The following VAT1L variants were observed in gnomAD, a reference collection of about 807,000 sequenced individuals.
VAT1L encodes vesicle amine transport 1 like.
In VAT1L, 34 loss-of-function variants were observed where a neutral mutation model predicts 44.1. The observed-to-expected ratio is 0.77, with a 90% confidence interval of 0.59 to 1.03. The LOEUF (loss-of-function observed/expected upper bound fraction) is 1.03. VAT1L is among the 50% of genes least tolerant of loss of function. VAT1L has a pLI of 0.00. For synonymous variants in VAT1L, 253 were observed against 202.2 expected, an observed-to-expected ratio of 1.25 and a Z score of -2.13; for missense variants, 615 against 538.8, an observed-to-expected ratio of 1.14 and a Z score of -1.40.
chr16:77,890,946 CTTTACTATTTTACATGA>C (rs2017259174), intron 7 of VAT1L, among the ~76,000 whole-genome samples: 1 of 147,566 alleles, frequency 6.8e-6, no homozygotes, highest in East Asian at 2.1e-4. Context: ...AAGACATTAT[CTTTACTATTTTACATGA>C]TTTATATAAA....
intron 3 of VAT1L, among the ~76,000 whole-genome samples, chr16:77,831,979 C>G (rs2016584149): frequency 1.4e-5 from 1 of 70,356 alleles, no homozygotes; most frequent in African/African-American, 5.8e-5. Context: ...CCATGCCCGG[C>G]TAATTTTTTT....
At chr16:77,913,055 C>T (rs996247831) in intron 7 of VAT1L, among the ~76,000 whole-genome samples, 3 of 152,054 alleles carry the variant, frequency 2.0e-5, no homozygotes, top group African/African-American at 4.8e-5. Context: ...TATGCATTTG[C>T]GGGGGTGGGG....
At chr16:77,888,749 G>A (rs2017234026) in intron 7 of VAT1L, among the ~76,000 whole-genome samples, 1 of 152,194 alleles carries the variant, frequency 6.6e-6, no homozygotes, top group Non-Finnish European at 1.5e-5. Flanking sequence ...TGTCTCCTGG[G>A]TGGGACAAGG....
At chr16:77,926,184 C>T (rs1305246046) in intron 7 of VAT1L, among the ~76,000 whole-genome samples, 3 of 145,134 alleles carry the variant, frequency 2.1e-5, no homozygotes, top group African/African-American at 5.2e-5. Context: ...ACCCGGGAGG[C>T]GGAGCTTGCA....
At chr16:77,844,713 A>G (rs145389496) in intron 3 of VAT1L, among the ~76,000 whole-genome samples, 1,739 of 152,146 alleles carry the variant, frequency 0.011, 16 homozygotes, top group Middle Eastern at 0.031. Flanking sequence ...CTGCACTACC[A>G]GTTTATATCA....
At chr16:77,871,179 A>G (rs1435180380) in intron 4 of VAT1L, among the ~76,000 whole-genome samples, 1 of 152,092 alleles carries the variant, frequency 6.6e-6, no homozygotes, top group African/African-American at 2.4e-5. Context: ...GCTGAGAATG[A>G]TATCTGCCTC....
At chr16:77,959,817 T>C (rs1319094549) in intron 7 of VAT1L, among the ~76,000 whole-genome samples, 1 of 152,224 alleles carries the variant, frequency 6.6e-6, no homozygotes, top group Non-Finnish European at 1.5e-5. Context: ...TAGGAGGTTC[T>C]AGATTTGCAA....
At chr16:77,966,935 A>T (rs1406883221) in intron 7 of VAT1L, among the ~76,000 whole-genome samples, 2 of 2,256 alleles carry the variant, frequency 8.9e-4, no homozygotes, top group Non-Finnish European at 0.022. Flanking sequence ...AGTACTTTAA[A>T]AAAAAAAAAA....
At chr16:77,796,907 T>C (rs536053088) in intron 1 of VAT1L, among the ~76,000 whole-genome samples, 58 of 152,234 alleles carry the variant, frequency 3.8e-4, no homozygotes, top group African/African-American at 1.4e-3. Flanking sequence ...ACGTTCTCAC[T>C]TAGAAGTGGG....
intron 6 of VAT1L, among the ~76,000 whole-genome samples, chr16:77,882,846 CGTTAA>C (rs1159605150): frequency 3.3e-5 from 5 of 152,118 alleles, no homozygotes; most frequent in African/African-American, 1.2e-4. Flanking sequence ...GTAAGGAATA[CGTTAA>C]GTTATTTAGT....
chr16:77,826,536 T>C (rs903851995), intron 3 of VAT1L, among the ~76,000 whole-genome samples: 1 of 152,206 alleles, frequency 6.6e-6, no homozygotes, highest in African/African-American at 2.4e-5. Flanking sequence ...GTCAGGTGTG[T>C]CTCTGCCAAG....
chr16:77,789,582 G>T (rs2015795256), intron 1 of VAT1L, among the ~76,000 whole-genome samples: 2 of 152,176 alleles, frequency 1.3e-5, no homozygotes, highest in Admixed American at 6.5e-5. Context: ...ACGGGGAAAG[G>T]AACTAGGAAG....
At chr16:77,949,998 G>A (rs2018021540) in intron 7 of VAT1L, among the ~76,000 whole-genome samples, 1 of 152,206 alleles carries the variant, frequency 6.6e-6, no homozygotes, top group South Asian at 2.1e-4. Flanking sequence ...CTCAGCCATG[G>A]CTCTGTAGCC....
At chr16:77,808,050 C>G (rs866068707) in intron 1 of VAT1L, among the ~76,000 whole-genome samples, 3 of 151,906 alleles carry the variant, frequency 2.0e-5, no homozygotes, top group Middle Eastern at 6.8e-3. Context: ...CAGACCAGTA[C>G]TGGTCTGTGG....
At chr16:77,952,032 C>A (rs2018050583) in intron 7 of VAT1L, among the ~76,000 whole-genome samples, 1 of 152,206 alleles carries the variant, frequency 6.6e-6, no homozygotes. Context: ...ATCAAGCCAT[C>A]TGTGTTTGCT....
At position 77,977,754 on chromosome 16, in the gene VAT1L, A is replaced by G; in HGVS notation, c.*59A>G. 6.6e-7 allele frequency: 1 copy of G among 1,524,884 alleles called. No individual in the cohort carries two copies. The highest frequency in any genetic ancestry group is 9.0e-7 in the Non-Finnish European group (1 of 1,112,804). The allele number at this position is 1,524,884 out of a possible 1,614,324, so 94.5% of individuals were successfully genotyped here. On this transcript the variant is annotated 3_prime_UTR_variant, in exon 9 of 9. Transcript: ENST00000302536. ...TTTGGAAGATGAGGACCCGGCTGAG[A>G]AAACTCTTCTGTGCCCCAGTGAACA... is the stretch of plus-strand genomic sequence containing the variant.
At chr16:77,828,249 C>T (rs1199645134) in intron 3 of VAT1L, among the ~76,000 whole-genome samples, 1 of 152,214 alleles carries the variant, frequency 6.6e-6, no homozygotes, top group Non-Finnish European at 1.5e-5. Context: ...TCCCTGGTAC[C>T]TGTATGTTGC....
At chr16:77,906,230 A>G (rs2142480585) in intron 7 of VAT1L, among the ~76,000 whole-genome samples, 1 of 152,306 alleles carries the variant, frequency 6.6e-6, no homozygotes, top group East Asian at 1.9e-4. Flanking sequence ...CTGGAGGGAG[A>G]GAGATTTGAT....
intron 3 of VAT1L, among the ~76,000 whole-genome samples, chr16:77,836,037 T>C (rs2016635465): frequency 6.6e-6 from 1 of 152,178 alleles, no homozygotes; most frequent in South Asian, 2.1e-4. Context: ...TCTTCATCTG[T>C]ATAGTGGAGG....
Sources: gnomAD v4.1 joint callset for allele counts (sites outside exome capture counted in the v4.1 genomes callset) on GRCh38, gnomAD v4.1.1 for gene constraint, MANE v1.5 for transcripts, NCBI Gene and HGNC (gene_info 2026-07-23, HGNC 2026-07-21) for gene names.